The following ARHGAP45 variants were observed in gnomAD, a reference collection of about 807,000 sequenced individuals.
ARHGAP45 encodes rho GTPase-activating protein 45.
Under a neutral mutation model 116.1 loss-of-function variants are expected in ARHGAP45, and 56 were observed. The ratio of observed to expected loss-of-function variants is 0.48; its 90% confidence interval spans 0.39 to 0.60. ARHGAP45 has a LOEUF of 0.60. Ranked by LOEUF, ARHGAP45 falls within the 20% of genes least tolerant of loss-of-function variation. The pLI, the probability that ARHGAP45 is intolerant of heterozygous loss-of-function variation, is 0.00. For missense variants in ARHGAP45, 1,622 were observed against 1,601.0 expected (o/e 1.01, Z -0.22); for synonymous variants, 866 against 701.7 (o/e 1.23, Z -3.70).
intron 10 of ARHGAP45, 23 bp downstream of exon 10, chr19:1,074,902 G>A: frequency 1.4e-6 from 2 of 1,462,080 alleles, no homozygotes; most frequent in Non-Finnish European, 1.8e-6. Flanking sequence ...GGCGGGGGCG[G>A]GCGGGGGCGG....
rs2043212101 is a variant in ARHGAP45, at chr19:1,074,944, C to T, written c.1185+65C>T. 6 of 1,367,522 alleles carry T rather than the reference C, an allele frequency of 4.4e-6. No individual in the cohort carries two copies. The South Asian group carries it at 7.7e-5, about 18-fold the overall frequency. The allele number at this position is 1,367,522 out of a possible 1,614,324, so 84.7% of individuals were successfully genotyped here. A position where few individuals can be genotyped will look rare whatever the true frequency, so the allele number is the denominator to read the frequency against. On this transcript the variant is annotated intron_variant, in intron 10 of 22. Coordinates refer to ENST00000313093, the MANE Select transcript of ARHGAP45 (RefSeq NM_012292.5). ...GGCCTCGGCGCAGGCGCAGTCCCAG[C>T]CCCAGCCCCATAGCGAGGGCCCTGC...
upstream of ARHGAP45, among the ~76,000 whole-genome samples, chr19:1,066,320 C>A (rs1005171422): frequency 5.9e-5 from 9 of 152,086 alleles, no homozygotes; most frequent in African/African-American, 2.2e-4. Flanking sequence ...GATCTGTATG[C>A]CTGCAGATGC....
Position 1,080,543 on chromosome 19 carries a change from C to G in ARHGAP45, c.1908C>G (p.Gly636=). The G allele has an allele frequency of 1.9e-6, 3 of 1,612,750 alleles. No individual in the cohort carries two copies. The highest frequency in any genetic ancestry group is 2.5e-6 in the Non-Finnish European group (3 of 1,179,862). Residue 636 remains glycine, a synonymous_variant, in exon 15 of 23, where the codon GGC becomes GGG. Coordinates refer to ENST00000313093, the MANE Select transcript of ARHGAP45 (RefSeq NM_012292.5). ...ACAGTGGGCTGGACCCCGGCCCTGG[C>G]GCAGGTGAGGGAGGCTCTCTGGCGG... The part of the protein sequence containing the change: ...DSDSGLDPGP[G]AGDFKKFERT...
In ARHGAP45 at chr19:1,086,490, A is replaced by C. The variant is rs2043660164; in HGVS notation, c.*484A>C. 6.5e-6 allele frequency: 1 copy of C among 154,368 alleles called. No homozygotes were observed. Among genetic ancestry groups the C allele is most frequent in the African/African-American group, 2.4e-5 (1 of 41,448 alleles). 9.6% of individuals were successfully genotyped at this position (154,368 alleles called of 1,614,324 possible). A position where few individuals can be genotyped will look rare whatever the true frequency, so the allele number is the denominator to read the frequency against. On this transcript the variant is annotated 3_prime_UTR_variant, in exon 23 of 23. Coordinates refer to ENST00000313093, the MANE Select transcript of ARHGAP45 (RefSeq NM_012292.5). ...GGGTGCAGTACAGCAGGGCCTGAAT[A>C]CTGGCCCTGGACTCCCTTTTCCAGA...
chr19:1,085,459 C>T (rs1336531810), intron 22 of ARHGAP45, among the ~76,000 whole-genome samples: 1 of 150,764 alleles, frequency 6.6e-6, no homozygotes, highest in Admixed American at 6.6e-5. Flanking sequence ...GTCTCTCTCT[C>T]CTCCTCCCCG....
chr19:1,070,972 C>T (rs2043128410), intron 2 of ARHGAP45, among the ~76,000 whole-genome samples: 1 of 152,194 alleles, frequency 6.6e-6, no homozygotes, highest in Admixed American at 6.5e-5. Context: ...GGGTCCACCC[C>T]ACAGCTTGGG....
At chr19:1,075,415 T>C (rs2043226762) in intron 10 of ARHGAP45, among the ~76,000 whole-genome samples, 1 of 151,834 alleles carries the variant, frequency 6.6e-6, no homozygotes, top group Non-Finnish European at 1.5e-5. Flanking sequence ...TGGCTAATTT[T>C]TGTATTTTTA....
At chr19:1,081,517 G>A (rs1246562422) in intron 17 of ARHGAP45, 33 bp from the exon 18 acceptor site, 9 of 1,443,566 alleles carry the variant, frequency 6.2e-6, no homozygotes, top group African/African-American at 4.3e-5. Context: ...TGGGCGCCCC[G>A]GGGCTGGGCT....
Position 1,068,446 on chromosome 19 carries a change from G to T in ARHGAP45, c.123G>T (p.Val41=), listed in dbSNP as rs1370024219. Residue 41 remains valine, a synonymous_variant, in exon 2 of 23, where the codon GTG becomes GTT. Coordinates refer to ENST00000313093, the MANE Select transcript of ARHGAP45 (RefSeq NM_012292.5). The surrounding 1 kb of genome is among the most constrained non-coding windows in gnomAD (Gnocchi z 7.5). ...CCAGGAAGGATGGGGCTGACGCGGTGTTCCCCGGACCAAGCCTGGAGCCGC... is the reference window on the plus strand; with the variant it reads ...CCAGGAAGGATGGGGCTGACGCGGTTTTCCCCGGACCAAGCCTGGAGCCGC... The part of the protein sequence containing the change: ...ELPRKDGADA[V]FPGPSLEPPA... 1 of 1,578,824 alleles carries T rather than the reference G, an allele frequency of 6.3e-7. No individual in the cohort carries two copies. The highest frequency in any genetic ancestry group is 8.6e-7 in the Non-Finnish European group (1 of 1,162,554).
At chr19:1,081,250 TGAGGCAGC>T (rs1218224834) in intron 17 of ARHGAP45, among the ~76,000 whole-genome samples, 186 bp downstream of exon 17, 1 of 151,894 alleles carries the variant, frequency 6.6e-6, no homozygotes, top group African/African-American at 2.4e-5. Context: ...GTTGGCTCTC[TGAGGCAGC>T]GAGGCAGGGG....
rs2043088286 is a variant in ARHGAP45, at chr19:1,068,857, AG to A, written c.421+116del. ...AGGGAGGGAGGCTCAGATGGCAGGG[AG>A]GGCTGTGTGGAAGAGGCCATGACAG... On this transcript the variant is annotated intron_variant, in intron 2 of 22. Transcript: ENST00000313093. This position sits in a 1 kb window ranked among gnomAD's most constrained non-coding sequence, Gnocchi z 7.5. The A allele has an allele frequency of 5.8e-6, 6 of 1,034,208 alleles. No individual in the cohort carries two copies. Among genetic ancestry groups the A allele is most frequent in the Middle Eastern group, 2.1e-4 (1 of 4,654 alleles). 64.1% of individuals were successfully genotyped at this position (1,034,208 alleles called of 1,614,324 possible).
chr19:1,066,308 G>A (rs1358648925), upstream of ARHGAP45: 28 of 786,926 alleles, frequency 3.6e-5, no homozygotes, highest in South Asian at 4.2e-4. Context: ...GTAGGAGGCT[G>A]GGATCTGTAT....
chr19:1,067,537 G>A (rs757578082), intron 1 of ARHGAP45, 42 bp downstream of exon 1: 9 of 1,527,718 alleles, frequency 5.9e-6, no homozygotes, highest in Admixed American at 2.0e-5. Context: ...ACGCCGGGCC[G>A]CAGGGGGACA....
rs1753253293 is a variant in ARHGAP45, at chr19:1,068,805, G to A, written c.421+61G>A. The A allele has an allele frequency of 1.3e-6, 2 of 1,512,872 alleles. No homozygotes were observed. The highest frequency in any genetic ancestry group is 1.8e-6 in the Non-Finnish European group (2 of 1,098,086). The allele number at this position is 1,512,872 out of a possible 1,614,324, so 93.7% of individuals were successfully genotyped here. On this transcript the variant is annotated intron_variant, in intron 2 of 22. Transcript: ENST00000313093. This position sits in a 1 kb window ranked among gnomAD's most constrained non-coding sequence, Gnocchi z 7.5. The stretch of plus-strand genomic sequence containing the variant: ...GACAGAGCCAGACCCAAGGGAGGAT[G>A]GAGGGAGGGACTTGGGGAGGCTCAG...
chr19:1,071,264 G>C lies in ARHGAP45; in HGVS notation c.422-1885G>C. On this transcript the variant is annotated intron_variant, in intron 2 of 22. Coordinates refer to ENST00000313093, the MANE Select transcript of ARHGAP45 (RefSeq NM_012292.5). The surrounding 1 kb of genome is among the most constrained non-coding windows in gnomAD (Gnocchi z 4.6). ...AGCTGCCAGGCCCCACGCGCTCGCGGTCTCCGCGCCCCGACGGCTGCGCCA... is the reference window on the plus strand; with the variant it reads ...AGCTGCCAGGCCCCACGCGCTCGCGCTCTCCGCGCCCCGACGGCTGCGCCA... 1 of 1,481,432 alleles carries C rather than the reference G, an allele frequency of 6.8e-7. No homozygotes were observed. The highest frequency in any genetic ancestry group is 8.9e-7 in the Non-Finnish European group (1 of 1,120,578). The allele number at this position is 1,481,432 out of a possible 1,614,324, so 91.8% of individuals were successfully genotyped here. A position where few individuals can be genotyped will look rare whatever the true frequency, so the allele number is the denominator to read the frequency against.
In ARHGAP45 at chr19:1,071,224, A is replaced by G; in HGVS notation, c.422-1925A>G. ...CGGCCGGAGCCGGTTTGGCCACCGG[A>G]GACCCCCATCGGTCAGCTGCCAGGC... On this transcript the variant is annotated intron_variant, in intron 2 of 22. Transcript: ENST00000313093. The surrounding 1 kb of genome is among the most constrained non-coding windows in gnomAD (Gnocchi z 4.6). The G allele has an allele frequency of 6.9e-7, 1 of 1,448,580 alleles. No individual in the cohort carries two copies. Among genetic ancestry groups the G allele is most frequent in the Non-Finnish European group, 9.1e-7 (1 of 1,103,196 alleles). The allele number at this position is 1,448,580 out of a possible 1,614,324, so 89.7% of individuals were successfully genotyped here.
upstream of ARHGAP45, chr19:1,066,083 T>G: frequency 6.5e-7 from 1 of 1,535,706 alleles, no homozygotes; most frequent in African/African-American, 1.4e-5. Context: ...CACTTGGACC[T>G]GGGCCTGGAG....
chr19:1,074,875 A>G lies in ARHGAP45; in HGVS notation c.1181A>G (p.Lys394Arg). 2 of 571,870 alleles carry G rather than the reference A, an allele frequency of 3.5e-6. No individual in the cohort carries two copies. Among genetic ancestry groups the G allele is most frequent in the Non-Finnish European group, 2.5e-6 (1 of 393,702 alleles). 35.4% of individuals were successfully genotyped at this position (571,870 alleles called of 1,614,324 possible). A position where few individuals can be genotyped will look rare whatever the true frequency, so the allele number is the denominator to read the frequency against. ...GAGGCCTGGCACCGTGCCCAGAGGA[A>G]GCTGGTGAGGCGGGCGGGCGGGGGC... ...IKEAWHRAQR[K>R]LQEAESNLRK... is the part of the protein sequence containing the mutation. The change falls in exon 10 of 23, where the codon AAG becomes AGG. Residue 394 changes from lysine (K) to arginine (R), a missense_variant. Lys to Arg is a conservative substitution (Grantham distance 26). This residue lies in a region of ARHGAP45 where 1,334 missense variants were observed against 1,263.8 expected (regional missense o/e 1.06). Coordinates refer to ENST00000313093, the MANE Select transcript of ARHGAP45 (RefSeq NM_012292.5).
chr19:1,080,171 C>T (rs1008109603), intron 13 of ARHGAP45, 53 bp downstream of exon 13: 4 of 1,609,746 alleles, frequency 2.5e-6, no homozygotes, highest in Non-Finnish European at 3.4e-6. Context: ...GCCTGGGAGC[C>T]GGGCTTCCCT....
Sources: gnomAD v4.1 joint callset for allele counts (sites outside exome capture counted in the v4.1 genomes callset) on GRCh38, gnomAD v4.1.1 for gene constraint, gnomAD v4.1.1 regional missense constraint, Gnocchi (gnomAD v3.1) non-coding constraint, MANE v1.5 for transcripts, NCBI Gene and HGNC (gene_info 2026-07-23, HGNC 2026-07-21) for gene names.